Variants in LRRC37A2 observed in about 807,000 individuals in gnomAD.
LRRC37A2 encodes leucine rich repeat containing 37 member A2.
A neutral mutation model predicts 68.8 loss-of-function variants in LRRC37A2; 9 were observed. The ratio of observed to expected loss-of-function variants is 0.13; its 90% confidence interval spans 0.08 to 0.23. LRRC37A2 has a LOEUF of 0.23. Ranked by LOEUF, LRRC37A2 falls within the 10% of genes least tolerant of loss-of-function variation. LRRC37A2 has a pLI of 1.00. For missense variants in LRRC37A2, 168 were observed against 950.4 expected (o/e 0.18, Z 10.82); for synonymous variants, 63 against 367.6 (o/e 0.17, Z 9.48).
At chr17:46,782,655 C>T in the LRRC37A2 span, among the ~76,000 whole-genome samples, 20,489 of 152,274 alleles carry the variant, frequency 0.13, 1,887 homozygotes, top group Non-Finnish European at 0.2. Flanking sequence ...CATGTGTGCA[C>T]ACCGTGGGGC....
exon 10 of LRRC37A2, chr17:46,549,021 G>A (rs766989860): frequency 2.0e-5 from 33 of 1,612,164 alleles, no homozygotes; most frequent in South Asian, 4.4e-5. Context: ...ATACGAAGAC[G>A]TCTAAACCAA....
At chr17:46,852,383 G>A in the LRRC37A2 span, among the ~76,000 whole-genome samples, 1 of 149,150 alleles carries the variant, frequency 6.7e-6, no homozygotes, top group South Asian at 2.2e-4. Flanking sequence ...AAGAGTGAGA[G>A]GGCCCAGTGT....
At chr17:46,758,450 T>C in the LRRC37A2 span, among the ~76,000 whole-genome samples, 3 of 152,240 alleles carry the variant, frequency 2.0e-5, no homozygotes, top group Non-Finnish European at 4.4e-5. Context: ...CAGAACGGCC[T>C]GTGAAGAAGC....
At chr17:46,796,162 G>A in the LRRC37A2 span, among the ~76,000 whole-genome samples, 2 of 152,128 alleles carry the variant, frequency 1.3e-5, no homozygotes, top group African/African-American at 4.8e-5. Context: ...CGTTTCCTTG[G>A]GAGGACTCAA....
At chr17:46,783,351 G>A in the LRRC37A2 span, among the ~76,000 whole-genome samples, 149,369 of 152,316 alleles carry the variant, frequency 0.98, 73,298 homozygotes, top group East Asian at 1. Flanking sequence ...AGAGCAGGTT[G>A]AAGTCTGGCC....
chr17:46,790,062 C>G, the LRRC37A2 span, among the ~76,000 whole-genome samples: 1 of 152,282 alleles, frequency 6.6e-6, no homozygotes, highest in East Asian at 1.9e-4. Context: ...CGCTGGCTGC[C>G]CCTCCCTTGC....
the LRRC37A2 span, among the ~76,000 whole-genome samples, chr17:46,890,913 C>T: frequency 2.0e-5 from 3 of 152,170 alleles, no homozygotes; most frequent in Non-Finnish European, 4.4e-5. Context: ...GGACTTTGCC[C>T]GCCTCATCCT....
chr17:46,666,070 A>G, the LRRC37A2 span, among the ~76,000 whole-genome samples: 2 of 150,816 alleles, frequency 1.3e-5, no homozygotes. Flanking sequence ...AAGAAAGGGC[A>G]GTGACCGCTT....
chr17:46,957,612 CAAAA>C, the LRRC37A2 span, among the ~76,000 whole-genome samples: 2 of 126,730 alleles, frequency 1.6e-5, no homozygotes, highest in Non-Finnish European at 3.6e-5. Context: ...GACTTGGTCT[CAAAA>C]CAAACAAACA....
the LRRC37A2 span, among the ~76,000 whole-genome samples, chr17:46,786,126 C>G: frequency 8.6e-6 from 1 of 116,710 alleles, no homozygotes; most frequent in African/African-American, 3.3e-5. Flanking sequence ...GAGGAGGGTG[C>G]GAGAGAGGGA....
chr17:46,903,342 G>A, the LRRC37A2 span, among the ~76,000 whole-genome samples: 1 of 151,796 alleles, frequency 6.6e-6, no homozygotes, highest in Non-Finnish European at 1.5e-5. Context: ...TACAGGAATT[G>A]TCTGCAGTCC....
the LRRC37A2 span, among the ~76,000 whole-genome samples, chr17:46,772,652 C>T: frequency 1.3e-5 from 2 of 152,200 alleles, no homozygotes; most frequent in African/African-American, 2.4e-5. Context: ...TTGCTAATTA[C>T]CCTCCTGTCC....
chr17:46,545,196 C>A (rs2056090068), intron 8 of LRRC37A2, among the ~76,000 whole-genome samples: 1 of 135,780 alleles, frequency 7.4e-6, no homozygotes, highest in Non-Finnish European at 1.5e-5. Flanking sequence ...CTTTGGAAGG[C>A]CGAGGTGGGA....
At chr17:46,844,967 C>T in the LRRC37A2 span, among the ~76,000 whole-genome samples, 1 of 152,276 alleles carries the variant, frequency 6.6e-6, no homozygotes, top group South Asian at 2.1e-4. Flanking sequence ...CCTGCCTCAG[C>T]CTTCTAAGTA....
chr17:46,840,003 C>T, the LRRC37A2 span, among the ~76,000 whole-genome samples: 208 of 5,306 alleles, frequency 0.039, no homozygotes, highest in East Asian at 0.27. Context: ...TTTCTTTCTT[C>T]TTTCTTTCTT....
chr17:46,957,516 G>A, the LRRC37A2 span, among the ~76,000 whole-genome samples: 1 of 152,182 alleles, frequency 6.6e-6, no homozygotes, highest in Non-Finnish European at 1.5e-5. Context: ...AGGAGGCTGA[G>A]GCAGGAGAAT....
the LRRC37A2 span, among the ~76,000 whole-genome samples, chr17:46,897,263 T>A: frequency 6.6e-6 from 1 of 152,100 alleles, no homozygotes; most frequent in Non-Finnish European, 1.5e-5. Flanking sequence ...GGAGCCTCCA[T>A]CAGTAATGCC....
chr17:46,761,672 G>A, the LRRC37A2 span, among the ~76,000 whole-genome samples: 8 of 152,078 alleles, frequency 5.3e-5, no homozygotes, highest in Admixed American at 2.0e-4. Context: ...GGTAAGATTT[G>A]TTCCTAAATG....
At chr17:46,923,576 G>A in the LRRC37A2 span, 5 of 1,302,366 alleles carry the variant, frequency 3.8e-6, no homozygotes, top group Non-Finnish European at 4.9e-6. Flanking sequence ...GAGGAGACAC[G>A]GAGTAGGAGA....
Sources: allele counts gnomAD v4.1 joint callset (sites outside exome capture counted in the v4.1 genomes callset), GRCh38; gene constraint gnomAD v4.1.1; transcripts MANE v1.5; gene names NCBI Gene and HGNC (gene_info 2026-07-23, HGNC 2026-07-21).